The following ZPBP variants were observed in gnomAD, a reference collection of about 807,000 sequenced individuals.
The protein encoded by ZPBP is zona pellucida binding protein.
Under a neutral mutation model 44.8 loss-of-function variants are expected in ZPBP, and 26 were observed. The observed-to-expected ratio is 0.58, with a 90% CI of 0.43 to 0.81. The LOEUF is 0.81. Among genes scored for constraint, ZPBP ranks in the 30% least tolerant of loss-of-function variants. The probability of loss-of-function intolerance (pLI) is 0.00; values close to 1 mark genes in which losing one functional copy is unlikely to be tolerated. For missense variants in ZPBP, 409 were observed against 434.0 expected, an observed-to-expected ratio of 0.94 and a Z score of 0.51; for synonymous variants, 174 against 153.2, an observed-to-expected ratio of 1.14 and a Z score of -1.00.
chr7:50,057,989 C>T lies in ZPBP; in HGVS notation c.487G>A (p.Ala163Thr), dbSNP rs1307519660. Reference sequence around the variant, plus strand: ...AAACACAACTAACTTTACTTCTTACCATATATAGCATATTTTAGTTGAAGA... The same window carrying T: ...AAACACAACTAACTTTACTTCTTACTATATATAGCATATTTTAGTTGAAGA... ...KRLQLKYAIY[A>T]YREPHYYYQF... The change falls in exon 4 of 8, where the codon GCT becomes ACT. Residue 163 changes from alanine (A) to threonine (T), a missense_variant and splice_region_variant. Ala to Thr is a moderately conservative substitution (Grantham distance 58, BLOSUM62 0). Transcript: ENST00000046087. 1.2e-6 allele frequency: 2 copies of T among 1,607,764 alleles called. No individual in the cohort carries two copies. Among genetic ancestry groups the T allele is most frequent in the Non-Finnish European group, 1.7e-6 (2 of 1,176,352 alleles).
rs184112403 is a variant in ZPBP, at chr7:49,950,884, G to A, written c.962-13262C>T. On this transcript the variant is annotated intron_variant, in intron 7 of 7. Coordinates refer to ENST00000046087, the MANE Select transcript of ZPBP (RefSeq NM_007009.3). ...AAGCTACAATAATCAAAACAGTGTG[G>A]TACTAACATAAGGAAATGCCTACCA... Among the ~76,000 whole-genome samples, 593 of 151,850 alleles carry A rather than the reference G, an allele frequency of 3.9e-3. 2 individuals are homozygous for A. Among genetic ancestry groups the A allele is most frequent in the African/African-American group, 0.014 (570 of 41,518 alleles).
chr7:50,001,834 AGAG>A (rs1273908573), intron 6 of ZPBP, among the ~76,000 whole-genome samples: 5 of 152,168 alleles, frequency 3.3e-5, no homozygotes, highest in African/African-American at 1.2e-4. Flanking sequence ...AAAATGTAAA[AGAG>A]AAGAGAGAGC....
At position 50,093,055 on chromosome 7, in the gene ZPBP, C is replaced by A. The variant is rs1803073746; in HGVS notation, c.127+13G>T. 6.3e-7 allele frequency: 1 copy of A among 1,595,742 alleles called. No homozygotes were observed. Among genetic ancestry groups the A allele is most frequent in the Non-Finnish European group, 8.5e-7 (1 of 1,172,046 alleles). On this transcript the variant is annotated intron_variant, in intron 1 of 7. Coordinates refer to ENST00000046087, the MANE Select transcript of ZPBP (RefSeq NM_007009.3). ...TGTCCCTGCGGAGCCGGCAGGGCGGCGCGGACCCTCACCTGATGAGGGCAC... is the reference window on the plus strand; with the variant it reads ...TGTCCCTGCGGAGCCGGCAGGGCGGAGCGGACCCTCACCTGATGAGGGCAC...
At chr7:50,012,254 G>C (rs987106565) in intron 6 of ZPBP, among the ~76,000 whole-genome samples, 1 of 151,886 alleles carries the variant, frequency 6.6e-6, no homozygotes, top group Non-Finnish European at 1.5e-5. Context: ...AAAATGAACA[G>C]GAAAATCCAA....
chr7:49,961,754 TAATG>T (rs1409213424), intron 7 of ZPBP, among the ~76,000 whole-genome samples: 1 of 152,100 alleles, frequency 6.6e-6, no homozygotes, highest in Non-Finnish European at 1.5e-5. Context: ...AAATCTATGA[TAATG>T]GATATAACTG....
At chr7:50,032,115 C>T (rs1206335954) in intron 4 of ZPBP, among the ~76,000 whole-genome samples, 1 of 152,142 alleles carries the variant, frequency 6.6e-6, no homozygotes, top group East Asian at 1.9e-4. Flanking sequence ...ACATACTTAG[C>T]TACTGTCCAT....
chr7:49,965,617 G>GT (rs1034005120), intron 7 of ZPBP, among the ~76,000 whole-genome samples: 2 of 151,928 alleles, frequency 1.3e-5, no homozygotes, highest in African/African-American at 4.8e-5. Context: ...ATACATGAGA[G>GT]TTTTTTTGGT....
chr7:50,090,146 G>A (rs1396758552), intron 1 of ZPBP, among the ~76,000 whole-genome samples: 2 of 151,806 alleles, frequency 1.3e-5, no homozygotes, highest in African/African-American at 4.8e-5. Context: ...GGTGGTATTC[G>A]GTTACATAAA....
chr7:49,958,479 T>TG (rs1795705356), intron 7 of ZPBP, among the ~76,000 whole-genome samples: 1 of 152,202 alleles, frequency 6.6e-6, no homozygotes, highest in Admixed American at 6.5e-5. Flanking sequence ...CCTTCATGAA[T>TG]GGATTAATGC....
At chr7:49,946,888 G>C (rs1601036) in intron 7 of ZPBP, among the ~76,000 whole-genome samples, 145,451 of 152,238 alleles carry the variant, frequency 0.96, 69,505 homozygotes, top group East Asian at 1. Flanking sequence ...TCATCTTTTT[G>C]TCTTTTGTCT....
Position 49,864,073 on chromosome 7 carries a change from TTTG to T in ZPBP, n.510-13562_510-13560del, listed in dbSNP as rs143006334. Among the ~76,000 whole-genome samples the T allele has an allele frequency of 8.3e-3, 1,262 of 152,066 alleles. 10 individuals are homozygous for T. The highest frequency in any genetic ancestry group is 0.019 in the African/African-American group (808 of 41,490). ...GCCCTTCTTCCAGAGGTCTCCTGTT[TTTG>T]TTGTTGTTGTTGTTGTTGCGGGCTG... On this transcript the variant is annotated intron_variant and non_coding_transcript_variant, in intron 2 of 2. Coordinates refer to the ZPBP transcript ENST00000465922.
At chr7:50,088,399 C>A (rs927617749) in intron 2 of ZPBP, among the ~76,000 whole-genome samples, 1 of 151,894 alleles carries the variant, frequency 6.6e-6, no homozygotes, top group Non-Finnish European at 1.5e-5. Context: ...ACCTGAAGCA[C>A]CAGCACCAAA....
chr7:50,053,060 GA>G (rs998708905), intron 4 of ZPBP, among the ~76,000 whole-genome samples: 2 of 151,888 alleles, frequency 1.3e-5, no homozygotes, highest in African/African-American at 4.8e-5. Flanking sequence ...AAAAATGGCA[GA>G]ATTACATACA....
chr7:50,059,481 ATTTC>A (rs1801138761), intron 3 of ZPBP, among the ~76,000 whole-genome samples: 1 of 152,182 alleles, frequency 6.6e-6, no homozygotes, highest in African/African-American at 2.4e-5. Flanking sequence ...TGTAATGCCT[ATTTC>A]TTCATGATTA....
At chr7:49,860,754 A>C (rs945755804) in intron 2 of ZPBP, among the ~76,000 whole-genome samples, 4 of 152,246 alleles carry the variant, frequency 2.6e-5, no homozygotes, top group African/African-American at 7.2e-5. Context: ...TAATTAAGTT[A>C]AATGAGATCA....
At chr7:50,087,405 C>T (rs1270404260) in intron 2 of ZPBP, among the ~76,000 whole-genome samples, 10 of 151,778 alleles carry the variant, frequency 6.6e-5, no homozygotes, top group African/African-American at 2.4e-4. Flanking sequence ...AGATAAAGAA[C>T]AAAAAACACA....
chr7:49,923,611 A>ACTTCTTCTTCTT (rs58162011), intron 1 of ZPBP, among the ~76,000 whole-genome samples: 10 of 151,074 alleles, frequency 6.6e-5, no homozygotes, highest in East Asian at 3.9e-4. Context: ...AAATATGAAA[A>ACTTCTTCTTCTT]CTTCTTCTTC....
intron 1 of ZPBP, among the ~76,000 whole-genome samples, chr7:49,927,729 C>A (rs1218012226): frequency 6.6e-6 from 1 of 152,170 alleles, no homozygotes; most frequent in Non-Finnish European, 1.5e-5. Flanking sequence ...CATTCTATTA[C>A]CCCAGATGCT....
intron 1 of ZPBP, among the ~76,000 whole-genome samples, chr7:49,931,196 G>A (rs562784356): frequency 1.3e-5 from 2 of 152,302 alleles, no homozygotes; most frequent in African/African-American, 4.8e-5. Context: ...TTTATTAGCA[G>A]CATGAGAACA....
Sources: gnomAD v4.1 joint callset for allele counts (sites outside exome capture counted in the v4.1 genomes callset) on GRCh38, gnomAD v4.1.1 for gene constraint, MANE v1.5 for transcripts, NCBI Gene and HGNC (gene_info 2026-07-23, HGNC 2026-07-21) for gene names.